Variants in GALNTL6 observed in about 807,000 individuals in gnomAD.
The protein encoded by GALNTL6 is polypeptide N-acetylgalactosaminyltransferase like 6.
A neutral mutation model predicts 73.7 loss-of-function variants in GALNTL6; 46 were observed. That is an observed-to-expected ratio of 0.62 (90% CI 0.49 to 0.80). The LOEUF (loss-of-function observed/expected upper bound fraction) is 0.80. GALNTL6 is among the 30% of genes least tolerant of loss of function. The pLI is 0.00. For synonymous variants in GALNTL6, 259 were observed against 263.7 expected, an observed-to-expected ratio of 0.98 and a Z score of 0.17; for missense variants, 604 against 755.0, an observed-to-expected ratio of 0.80 and a Z score of 2.34.
At chr4:172,229,463 T>C (rs1393183965) in intron 2 of GALNTL6, among the ~76,000 whole-genome samples, 193 bp from the exon 3 acceptor site, 1 of 152,146 alleles carries the variant, frequency 6.6e-6, no homozygotes, top group Non-Finnish European at 1.5e-5. Context: ...GTGCTCTCAT[T>C]TTAAAGGTTA....
At chr4:171,891,961 C>T (rs867699644) in intron 2 of GALNTL6, among the ~76,000 whole-genome samples, 17 of 152,298 alleles carry the variant, frequency 1.1e-4, no homozygotes, top group South Asian at 4.1e-4. Flanking sequence ...AATCCAAAAT[C>T]TGAAATGCTC....
intron 5 of GALNTL6, among the ~76,000 whole-genome samples, chr4:172,558,052 C>T (rs934108777): frequency 1.3e-5 from 2 of 151,968 alleles, no homozygotes; most frequent in Admixed American, 6.6e-5. Flanking sequence ...TAATGCAATA[C>T]TACTAAACAA....
intron 5 of GALNTL6, among the ~76,000 whole-genome samples, chr4:172,600,139 G>A (rs1738001420): frequency 1.3e-5 from 2 of 152,096 alleles, no homozygotes; most frequent in Non-Finnish European, 2.9e-5. Flanking sequence ...GGTGTATAAT[G>A]GGGAATAGCA....
At chr4:172,252,613 A>G (rs1737920809) in intron 3 of GALNTL6, among the ~76,000 whole-genome samples, 1 of 152,108 alleles carries the variant, frequency 6.6e-6, no homozygotes, top group South Asian at 2.1e-4. Context: ...TAAAAATGAT[A>G]TATTAAAGGA....
intron 2 of GALNTL6, among the ~76,000 whole-genome samples, chr4:172,006,656 A>T (rs980276200): frequency 3.3e-5 from 5 of 152,112 alleles, no homozygotes; most frequent in African/African-American, 9.7e-5. Flanking sequence ...AAAAAAGTAA[A>T]GTAACTTGAT....
chr4:172,649,338 T>C (rs1257618866), intron 5 of GALNTL6, among the ~76,000 whole-genome samples: 2 of 152,184 alleles, frequency 1.3e-5, no homozygotes, highest in African/African-American at 4.8e-5. Flanking sequence ...TCATTATTGC[T>C]GAGTGTGCAG....
chr4:171,952,150 T>C (rs924989488), intron 2 of GALNTL6, among the ~76,000 whole-genome samples: 4 of 152,000 alleles, frequency 2.6e-5, no homozygotes, highest in Non-Finnish European at 4.4e-5. Context: ...TGCAGGGATA[T>C]TAATGGAGAT....
chr4:171,993,133 A>T (rs1740388502), intron 2 of GALNTL6, among the ~76,000 whole-genome samples: 1 of 152,040 alleles, frequency 6.6e-6, no homozygotes, highest in Non-Finnish European at 1.5e-5. Flanking sequence ...AGGCACAATT[A>T]TTCTTATTAT....
At chr4:172,248,558 G>A (rs1737739564) in intron 3 of GALNTL6, among the ~76,000 whole-genome samples, 2 of 152,134 alleles carry the variant, frequency 1.3e-5, no homozygotes, top group African/African-American at 4.8e-5. Context: ...AGAACAGATT[G>A]CTATTAGTCA....
chr4:171,852,133 AATAC>A (rs1472436339), intron 2 of GALNTL6, among the ~76,000 whole-genome samples: 1 of 152,224 alleles, frequency 6.6e-6, no homozygotes, highest in Non-Finnish European at 1.5e-5. Flanking sequence ...TAATTACTGA[AATAC>A]ATACAGACTC....
intron 5 of GALNTL6, among the ~76,000 whole-genome samples, chr4:172,453,675 G>A (rs1194974426): frequency 3.3e-5 from 5 of 152,192 alleles, no homozygotes; most frequent in South Asian, 2.1e-4. Flanking sequence ...AATACGAAAA[G>A]TTCCCAGCAT....
intron 2 of GALNTL6, among the ~76,000 whole-genome samples, chr4:171,933,735 A>G (rs1454204985): frequency 6.6e-6 from 1 of 152,080 alleles, no homozygotes; most frequent in African/African-American, 2.4e-5. Context: ...TCTTGTTATA[A>G]TATTGGTTCA....
intron 2 of GALNTL6, among the ~76,000 whole-genome samples, chr4:172,026,927 C>A (rs1283149007): frequency 6.6e-6 from 1 of 152,072 alleles, no homozygotes; most frequent in Non-Finnish European, 1.5e-5. Context: ...TGTCACCTTT[C>A]ACCCAGGCTG....
chr4:171,954,103 T>TA (rs911114898), intron 2 of GALNTL6, among the ~76,000 whole-genome samples: 49 of 152,210 alleles, frequency 3.2e-4, no homozygotes, highest in African/African-American at 1.0e-3. Flanking sequence ...GCACATACGC[T>TA]AAAAAAATAA....
intron 2 of GALNTL6, among the ~76,000 whole-genome samples, chr4:172,156,231 C>T (rs1734257387): frequency 6.6e-6 from 1 of 152,050 alleles, no homozygotes. Context: ...GGGTATGTGT[C>T]TCTCGGCCAG....
chr4:172,375,111 G>T (rs1370101526), intron 5 of GALNTL6, among the ~76,000 whole-genome samples: 1 of 152,116 alleles, frequency 6.6e-6, no homozygotes, highest in Non-Finnish European at 1.5e-5. Flanking sequence ...TAATAGGAAG[G>T]GGAGCTATAG....
intron 2 of GALNTL6, among the ~76,000 whole-genome samples, chr4:172,205,832 C>T (rs1004629342): frequency 3.3e-5 from 5 of 152,134 alleles, no homozygotes; most frequent in African/African-American, 4.8e-5. Context: ...ATCTTTGTTC[C>T]GGAGATCTCA....
chr4:172,919,991 A>G (rs966430665), intron 8 of GALNTL6, among the ~76,000 whole-genome samples: 3 of 152,210 alleles, frequency 2.0e-5, no homozygotes, highest in Admixed American at 1.3e-4. Context: ...CCTGTGAACA[A>G]TGTAACCTCT....
At chr4:172,687,935 A>G (rs1367368491) in intron 5 of GALNTL6, among the ~76,000 whole-genome samples, 1 of 152,210 alleles carries the variant, frequency 6.6e-6, no homozygotes, top group Non-Finnish European at 1.5e-5. Flanking sequence ...AGAGAAACTC[A>G]ATGTGTATGG....
Sources: gnomAD v4.1 joint callset for allele counts (sites outside exome capture counted in the v4.1 genomes callset) on GRCh38, gnomAD v4.1.1 for gene constraint, MANE v1.5 for transcripts, NCBI Gene and HGNC (gene_info 2026-07-23, HGNC 2026-07-21) for gene names.